INPP4B: variants seen among roughly 807,000 people sequenced by gnomAD.
INPP4B encodes inositol polyphosphate-4-phosphatase type II B.
Under a neutral mutation model 122.5 loss-of-function variants are expected in INPP4B, and 55 were observed. The ratio of observed to expected loss-of-function variants is 0.45; its 90% CI spans 0.36 to 0.56. The LOEUF (loss-of-function observed/expected upper bound fraction) is 0.56. Ranked by LOEUF, INPP4B falls within the 20% of genes least tolerant of loss-of-function variation. The probability of loss-of-function intolerance (pLI) is 0.00; values close to 1 mark genes in which losing one functional copy is unlikely to be tolerated. For missense variants in INPP4B, 1,000 were observed against 1,097.7 expected, an observed-to-expected ratio of 0.91 and a Z score of 1.26; for synonymous variants, 403 against 388.7, an observed-to-expected ratio of 1.04 and a Z score of -0.43.
intron 5 of INPP4B, among the ~76,000 whole-genome samples, chr4:142,425,983 G>A (rs1296924034): frequency 6.6e-6 from 1 of 151,462 alleles, no homozygotes; most frequent in Non-Finnish European, 1.5e-5. Context: ...TAGCCATCAA[G>A]GAATTAATTT....
chr4:142,580,176 G>C (rs1427391766), intron 2 of INPP4B, among the ~76,000 whole-genome samples: 1 of 151,544 alleles, frequency 6.6e-6, no homozygotes, highest in Non-Finnish European at 1.5e-5. Flanking sequence ...TAGGCCCCAG[G>C]ACTAGAAGAC....
At chr4:142,445,393 A>G (rs1442150889) in intron 3 of INPP4B, among the ~76,000 whole-genome samples, 2 of 152,238 alleles carry the variant, frequency 1.3e-5, no homozygotes, top group African/African-American at 4.8e-5. Context: ...AACAAATACA[A>G]GAACAAAACG....
intron 9 of INPP4B, among the ~76,000 whole-genome samples, chr4:142,299,593 C>T (rs1157730003): frequency 1.3e-5 from 2 of 148,422 alleles, no homozygotes; most frequent in Non-Finnish European, 3.0e-5. Context: ...TCTAATTTTT[C>T]CATCCATGCT....
intron 2 of INPP4B, among the ~76,000 whole-genome samples, chr4:142,590,936 T>C (rs572084639): frequency 1.5e-5 from 2 of 132,910 alleles, no homozygotes; most frequent in Admixed American, 1.5e-4. Flanking sequence ...AATAGATGAA[T>C]AGATAATTTT....
intron 2 of INPP4B, among the ~76,000 whole-genome samples, chr4:142,633,627 A>G (rs1437974999): frequency 6.6e-6 from 1 of 152,166 alleles, no homozygotes; most frequent in African/African-American, 2.4e-5. Context: ...ACCGAAAGCA[A>G]TGAGCAAATT....
intron 1 of INPP4B, among the ~76,000 whole-genome samples, chr4:142,842,735 T>A (rs1196582760): frequency 2.3e-5 from 3 of 131,760 alleles, no homozygotes; most frequent in African/African-American, 8.5e-5. Flanking sequence ...ATTATAATAT[T>A]AATATAATAT....
At chr4:142,053,929 T>TA (rs1277849919) in intron 25 of INPP4B, among the ~76,000 whole-genome samples, 1 of 152,068 alleles carries the variant, frequency 6.6e-6, no homozygotes, top group Non-Finnish European at 1.5e-5. Context: ...TAGAATAAAA[T>TA]AGGACAGCTA....
chr4:142,634,730 A>G (rs1384149369), intron 2 of INPP4B, among the ~76,000 whole-genome samples: 3 of 152,178 alleles, frequency 2.0e-5, no homozygotes, highest in Non-Finnish European at 2.9e-5. Context: ...GAAATATTGA[A>G]AGATTTCTTT....
intron 11 of INPP4B, among the ~76,000 whole-genome samples, chr4:142,241,755 G>A (rs1363083015): frequency 1.3e-5 from 2 of 152,168 alleles, no homozygotes; most frequent in Non-Finnish European, 2.9e-5. Context: ...AGGTATGCTA[G>A]GAATATCAGT....
chr4:142,415,722 T>C (rs1276412051), intron 5 of INPP4B, among the ~76,000 whole-genome samples: 1 of 152,208 alleles, frequency 6.6e-6, no homozygotes, highest in Admixed American at 6.5e-5. Flanking sequence ...ATTACGGCAC[T>C]ATTCACAATA....
intron 1 of INPP4B, among the ~76,000 whole-genome samples, chr4:142,759,932 A>G (rs1771077866): frequency 6.6e-6 from 1 of 151,800 alleles, no homozygotes; most frequent in Non-Finnish European, 1.5e-5. Context: ...TTATTGATTC[A>G]GCTCTCCAAG....
intron 22 of INPP4B, among the ~76,000 whole-genome samples, chr4:142,109,114 TC>T (rs1788694282): frequency 6.7e-6 from 1 of 149,098 alleles, no homozygotes; most frequent in Admixed American, 6.9e-5. Flanking sequence ...TATTCCTCAG[TC>T]TTTTCCTATC....
At chr4:142,806,354 TTGA>T in intron 1 of INPP4B, among the ~76,000 whole-genome samples, 1 of 151,316 alleles carries the variant, frequency 6.6e-6, no homozygotes, top group South Asian at 2.1e-4. Context: ...TTTCAGGCAC[TTGA>T]TAATATATAT....
chr4:142,552,419 A>G (rs1728189136), intron 2 of INPP4B, among the ~76,000 whole-genome samples: 1 of 151,308 alleles, frequency 6.6e-6, no homozygotes, highest in South Asian at 2.1e-4. Flanking sequence ...ATTCCTTAAA[A>G]CTTGAAGTCT....
rs569951437 is a variant in INPP4B at position 142,193,346 on chromosome 4, A to G, written c.1073-151T>C. ...CTATGAACTCACATCTCAAGGGGGA[A>G]AGAGGAGCTAATAATCAATCTTTCT... On this transcript the variant is annotated intron_variant, in intron 14 of 25. Transcript: ENST00000262992. The G allele has an allele frequency of 1.6e-5, 9 of 563,440 alleles. No homozygotes were observed. The African/African-American group carries it at 1.7e-4, about 10-fold the overall frequency. 34.9% of individuals were successfully genotyped at this position (563,440 alleles called of 1,614,324 possible).
intron 1 of INPP4B, among the ~76,000 whole-genome samples, chr4:142,803,523 C>G (rs937921278): frequency 6.6e-6 from 1 of 151,610 alleles, no homozygotes; most frequent in Non-Finnish European, 1.5e-5. Context: ...CTATCTCCAA[C>G]ACTTTATATT....
In INPP4B at chr4:142,023,316, G is replaced by A. The variant is rs917378666; in HGVS notation, c.*5466C>T. The A allele has an allele frequency of 2.0e-5, 3 of 151,972 alleles. No individual in the cohort carries two copies. Among genetic ancestry groups the A allele is most frequent in the Non-Finnish European group, 4.4e-5 (3 of 67,986 alleles). 9.4% of individuals were successfully genotyped at this position (151,972 alleles called of 1,614,324 possible). ...AAAATTTCTAGGAATACACATTATT[G>A]ATTCATCTAAAATACATATATAACA... On this transcript the variant is annotated 3_prime_UTR_variant, in exon 26 of 26. Coordinates refer to ENST00000262992, the MANE Select transcript of INPP4B (RefSeq NM_001101669.3).
intron 5 of INPP4B, among the ~76,000 whole-genome samples, chr4:142,409,467 T>G (rs1330082810): frequency 6.6e-6 from 1 of 151,320 alleles, no homozygotes; most frequent in Non-Finnish European, 1.5e-5. Flanking sequence ...TGCTCTAGCC[T>G]GGGCAACAGA....
intron 11 of INPP4B, among the ~76,000 whole-genome samples, chr4:142,250,643 G>A (rs1731516694): frequency 6.6e-6 from 1 of 152,112 alleles, no homozygotes; most frequent in South Asian, 2.1e-4. Context: ...AACATTTTAT[G>A]AATAGCTCTT....
Sources: gnomAD v4.1 joint callset for allele counts (sites outside exome capture counted in the v4.1 genomes callset) on GRCh38, gnomAD v4.1.1 for gene constraint, MANE v1.5 for transcripts, NCBI Gene and HGNC (gene_info 2026-07-23, HGNC 2026-07-21) for gene names.